AP2A1: variants seen among roughly 807,000 people sequenced by gnomAD.
The protein encoded by AP2A1 is AP-2 complex subunit alpha-1.
A neutral mutation model predicts 107.3 loss-of-function variants in AP2A1; 21 were observed. That is an observed-to-expected ratio of 0.20 (90% CI 0.14 to 0.28). The LOEUF is 0.28. AP2A1 is among the 10% of genes least tolerant of loss of function. The pLI is 1.00. For synonymous variants in AP2A1, 602 were observed against 564.8 expected (o/e 1.07, Z -0.93); for missense variants, 873 against 1,307.7 (o/e 0.67, Z 5.13).
At chr19:49,774,511 C>T (rs898890587) in intron 1 of AP2A1, among the ~76,000 whole-genome samples, 3 of 152,020 alleles carry the variant, frequency 2.0e-5, no homozygotes, top group African/African-American at 7.2e-5. Context: ...TGGTGTAACC[C>T]AGCACCAAAA....
rs2073099595 is a variant in AP2A1 at position 49,788,342 on chromosome 19, A to C, written c.474-3593A>C. 6.6e-6 allele frequency among the ~76,000 whole-genome samples: 1 copy of C among 152,196 alleles called. No homozygotes were observed. The highest frequency in any genetic ancestry group is 2.1e-4 in the South Asian group (1 of 4,836). On this transcript the variant is annotated intron_variant, in intron 4 of 22. Coordinates refer to ENST00000354293, the MANE Select transcript of AP2A1 (RefSeq NM_130787.3). The surrounding 1 kb of genome is among the most constrained non-coding windows in gnomAD (Gnocchi z 4.5). ...GCCATAGCCCTTATTCCACTTAACC[A>C]AGTTGATAAATAGCTCTTATTCCTT...
chr19:49,787,058 G>A (rs1407101729), intron 4 of AP2A1, among the ~76,000 whole-genome samples: 3 of 152,200 alleles, frequency 2.0e-5, no homozygotes, highest in Non-Finnish European at 4.4e-5. Context: ...CCAGGCTGGA[G>A]TGCAGTGGCA....
chr19:49,782,838 G>A (rs1367842122), intron 4 of AP2A1, 114 bp downstream of exon 4: 36 of 1,238,778 alleles, frequency 2.9e-5, no homozygotes, highest in Non-Finnish European at 3.4e-5. Context: ...CCGAGATGTG[G>A]GCTAACGCTG....
chr19:49,774,661 G>A (rs936723557), intron 1 of AP2A1, among the ~76,000 whole-genome samples: 9 of 152,016 alleles, frequency 5.9e-5, no homozygotes, highest in African/African-American at 2.2e-4. Context: ...GGTGGCTCAC[G>A]CCTGTAATCC....
intron 4 of AP2A1, 176 bp from the exon 5 acceptor site, chr19:49,791,759 C>T: frequency 1.5e-6 from 1 of 674,060 alleles, no homozygotes. Context: ...CAGATGAAGA[C>T]ACTGAGTCCT....
chr19:49,779,224 C>T (rs2084647545), intron 1 of AP2A1, among the ~76,000 whole-genome samples: 1 of 151,134 alleles, frequency 6.6e-6, no homozygotes. Context: ...GTAGTCCCAG[C>T]TACTTGGGAG....
chr19:49,782,671 C>T lies in AP2A1; in HGVS notation c.420C>T (p.Ser140=), dbSNP rs1333693632. The stretch of plus-strand genomic sequence containing the variant: ...TGCACTGCATCGCCAACGTGGGCAG[C>T]CGGGAGATGGGCGAGGCCTTTGCCG... ...LALHCIANVG[S]REMGEAFAAD... Residue 140 remains serine (S), a synonymous_variant, in exon 4 of 23, where the codon AGC becomes AGT. Coordinates refer to ENST00000354293, the MANE Select transcript of AP2A1 (RefSeq NM_130787.3). 1 of 1,612,152 alleles carries T rather than the reference C, an allele frequency of 6.2e-7. No individual in the cohort carries two copies. Among genetic ancestry groups the T allele is most frequent in the East Asian group, 2.2e-5 (1 of 44,856 alleles).
intron 1 of AP2A1, among the ~76,000 whole-genome samples, chr19:49,778,874 A>G (rs111985885): frequency 2.7e-5 from 4 of 146,230 alleles, no homozygotes; most frequent in African/African-American, 7.5e-5. Context: ...TGGTATGCAT[A>G]TGTATATATA....
intron 1 of AP2A1, among the ~76,000 whole-genome samples, chr19:49,769,247 G>A (rs1208447218): frequency 1.8e-4 from 15 of 83,270 alleles, no homozygotes; most frequent in East Asian, 7.4e-4. Context: ...GTGAAACTCC[G>A]TCTCCAAAAA....
At chr19:49,792,876 C>T (rs1041344474) in intron 5 of AP2A1, 115 bp from the exon 6 acceptor site, 1 of 936,106 alleles carries the variant, frequency 1.1e-6, no homozygotes, top group Non-Finnish European at 1.6e-6. Flanking sequence ...GTGCACACCC[C>T]TAAACCCCAT....
intron 5 of AP2A1, 104 bp downstream of exon 5, chr19:49,792,168 A>C: frequency 8.6e-7 from 1 of 1,168,630 alleles, no homozygotes; most frequent in Non-Finnish European, 1.2e-6. Context: ...ACCCCCGGAT[A>C]CCCAGGGCTC....
At chr19:49,792,438 C>G (rs1300535029) in intron 5 of AP2A1, among the ~76,000 whole-genome samples, 1 of 151,886 alleles carries the variant, frequency 6.6e-6, no homozygotes, top group Non-Finnish European at 1.5e-5. Context: ...ATTCCTGGAG[C>G]TTCCCCCTCG....
chr19:49,787,342 T>G lies in AP2A1; in HGVS notation c.474-4593T>G, dbSNP rs113798686. On this transcript the variant is annotated intron_variant, in intron 4 of 22. Coordinates refer to ENST00000354293, the MANE Select transcript of AP2A1 (RefSeq NM_130787.3). ...CCATCTAGGCTTTTTTTGTTTGTTTTTTTTGTTTTTTGTTTTTTTTTTTTT... is the reference window on the plus strand; with the variant it reads ...CCATCTAGGCTTTTTTTGTTTGTTTGTTTTGTTTTTTGTTTTTTTTTTTTT... Among the ~76,000 whole-genome samples, 897 of 112,806 alleles carry G rather than the reference T, an allele frequency of 8.0e-3. 12 individuals carry two copies. The highest frequency in any genetic ancestry group is 0.032 in the African/African-American group (857 of 27,008). 74.0% of individuals were successfully genotyped at this position (112,806 alleles called of 152,430 possible).
chr19:49,795,502 C>A (rs2073200635), intron 6 of AP2A1, 128 bp from the exon 7 acceptor site: 2 of 659,890 alleles, frequency 3.0e-6, no homozygotes, highest in South Asian at 1.8e-5. Context: ...ACAAAAAAAA[C>A]CCACTAACAA....
Position 49,801,977 on chromosome 19 carries a change from A to G in AP2A1, c.1954-4A>G, listed in dbSNP as rs2073287670. 2 of 1,493,226 alleles carry G rather than the reference A, an allele frequency of 1.3e-6. No individual in the cohort carries two copies. The highest frequency in any genetic ancestry group is 1.8e-6 in the Non-Finnish European group (2 of 1,126,264). The allele number at this position is 1,493,226 out of a possible 1,614,324, so 92.5% of individuals were successfully genotyped here. ...GTCCTCACCGTGACCTGCGCTTCCT[A>G]CAGTCGACGCCCTCGCCCTCCGCCG... On this transcript the variant is annotated splice_region_variant and splice_polypyrimidine_tract_variant and intron_variant, in intron 14 of 22. Transcript: ENST00000354293.
In AP2A1 at chr19:49,776,837, C is replaced by T. The variant is rs555719122; in HGVS notation, c.68-4920C>T. On this transcript the variant is annotated intron_variant, in intron 1 of 22. Coordinates refer to ENST00000354293, the MANE Select transcript of AP2A1 (RefSeq NM_130787.3). Reference sequence around the variant, plus strand: ...CCACAACTGCTCCTGTTTTGAAGACCGAGAGCTTTTCTTCTCTCTCTGAAT... The same window carrying T: ...CCACAACTGCTCCTGTTTTGAAGACTGAGAGCTTTTCTTCTCTCTCTGAAT... Among the ~76,000 whole-genome samples the T allele has an allele frequency of 3.5e-4, 53 of 152,268 alleles. 1 individual carries two copies. Among genetic ancestry groups the T allele is most frequent in the Admixed American group, 1.4e-3 (22 of 15,288 alleles).
chr19:49,769,812 C>A (rs1051324680), intron 1 of AP2A1, among the ~76,000 whole-genome samples: 1 of 152,114 alleles, frequency 6.6e-6, no homozygotes, highest in Non-Finnish European at 1.5e-5. Flanking sequence ...GTGTTGCAGG[C>A]CTCTGGGTGA....
chr19:49,806,959 C>T lies in AP2A1; in HGVS notation c.*201C>T, dbSNP rs1437006042. ...CATTCTGGGGGGTTAGGGGGAGTCCCCCTCCCTCCCTTTCCCCCCCAAGCA... is the reference window on the plus strand; with the variant it reads ...CATTCTGGGGGGTTAGGGGGAGTCCTCCTCCCTCCCTTTCCCCCCCAAGCA... On this transcript the variant is annotated 3_prime_UTR_variant, in exon 23 of 23. Transcript: ENST00000354293. The T allele has an allele frequency of 1.3e-6, 2 of 1,532,960 alleles. No homozygotes were observed. Among genetic ancestry groups the T allele is most frequent in the East Asian group, 2.4e-5 (1 of 40,836 alleles). 95.0% of individuals were successfully genotyped at this position (1,532,960 alleles called of 1,614,324 possible).
chr19:49,781,436 G>T (rs1443103583), intron 1 of AP2A1, among the ~76,000 whole-genome samples: 1 of 152,190 alleles, frequency 6.6e-6, no homozygotes, highest in Non-Finnish European at 1.5e-5. Flanking sequence ...CATGTGGGGA[G>T]TGGGGACAGG....
Sources: gnomAD v4.1 joint callset for allele counts (sites outside exome capture counted in the v4.1 genomes callset) on GRCh38, gnomAD v4.1.1 for gene constraint, Gnocchi (gnomAD v3.1) non-coding constraint, MANE v1.5 for transcripts, NCBI Gene and HGNC (gene_info 2026-07-23, HGNC 2026-07-21) for gene names.